Variants in RAP1A observed in about 807,000 individuals in gnomAD.
RAP1A encodes the protein ras-related protein Rap-1A.
A neutral mutation model predicts 26.4 loss-of-function variants in RAP1A; 6 were observed. That is an observed-to-expected ratio of 0.23 (90% CI 0.12 to 0.45). The LOEUF is 0.45. Ranked by LOEUF, RAP1A falls within the 20% of genes least tolerant of loss-of-function variation. The pLI is 0.99. For synonymous variants in RAP1A, 73 were observed against 79.4 expected (o/e 0.92, Z 0.43); for missense variants, 121 against 217.2 (o/e 0.56, Z 2.78).
intron 1 of RAP1A, among the ~76,000 whole-genome samples, chr1:111,650,713 A>C (rs1490136664): frequency 6.6e-6 from 1 of 152,226 alleles, no homozygotes; most frequent in African/African-American, 2.4e-5. Context: ...TGCAGAGTCC[A>C]TAGTTTACCT....
At chr1:111,672,643 AAAAATTC>A (rs1317981876) in intron 1 of RAP1A, among the ~76,000 whole-genome samples, 1 of 152,200 alleles carries the variant, frequency 6.6e-6, no homozygotes, top group Non-Finnish European at 1.5e-5. Context: ...CCCAAAGAGA[AAAAATTC>A]AGGAGGAAGC....
rs1317537991 is a variant in RAP1A, at chr1:111,715,940, G to C, written c.*3539G>C. ...TGTCTTAGGCACTGAGGGACAGAAA[G>C]AGAAATAAGGAATACCTTGGTATTT... On this transcript the variant is annotated 3_prime_UTR_variant, in exon 8 of 8. Transcript: ENST00000369709. 6 of 152,200 alleles carry C rather than the reference G, an allele frequency of 3.9e-5. No individual in the cohort carries two copies. Among genetic ancestry groups the C allele is most frequent in the African/African-American group, 1.4e-4 (6 of 41,446 alleles). The allele number at this position is 152,200 out of a possible 1,614,324, so 9.4% of individuals were successfully genotyped here.
At chr1:111,644,839 T>G (rs1208002061) in intron 1 of RAP1A, among the ~76,000 whole-genome samples, 1 of 152,194 alleles carries the variant, frequency 6.6e-6, no homozygotes, top group Non-Finnish European at 1.5e-5. Flanking sequence ...GGCCACATAT[T>G]GGGCCCTCTT....
At chr1:111,626,118 G>A (rs1192383580) in intron 1 of RAP1A, among the ~76,000 whole-genome samples, 6 of 152,078 alleles carry the variant, frequency 3.9e-5, no homozygotes, top group Non-Finnish European at 8.8e-5. Flanking sequence ...AATCAGTGTT[G>A]TATTTTCATG....
At chr1:111,689,787 A>G (rs1486746099) in intron 1 of RAP1A, among the ~76,000 whole-genome samples, 3 of 152,016 alleles carry the variant, frequency 2.0e-5, no homozygotes, top group Non-Finnish European at 4.4e-5. Context: ...CTCCTGCCTC[A>G]GCCTCCCAAG....
intron 1 of RAP1A, among the ~76,000 whole-genome samples, chr1:111,630,670 C>T (rs1659542409): frequency 6.6e-6 from 1 of 152,106 alleles, no homozygotes; most frequent in South Asian, 2.1e-4. Context: ...AAATGCCAGA[C>T]ATATAACAGT....
intron 1 of RAP1A, among the ~76,000 whole-genome samples, chr1:111,648,026 G>T (rs1403136487): frequency 6.6e-6 from 1 of 151,810 alleles, no homozygotes; most frequent in South Asian, 2.1e-4. Context: ...TTCAAATCTA[G>T]GTCACAACCT....
In RAP1A at chr1:111,709,249, A is replaced by G; in HGVS notation, c.*14A>G. The G allele has an allele frequency of 1.9e-6, 3 of 1,591,884 alleles. No homozygotes were observed. Among genetic ancestry groups the G allele is most frequent in the Non-Finnish European group, 1.7e-6 (2 of 1,173,992 alleles). Reference sequence around the variant, plus strand: ...CTGCTGCTCTAGGCCCATAGTCAGCAGCAGCTCTGAGCCAGGTAAGATGCT... The same window carrying G: ...CTGCTGCTCTAGGCCCATAGTCAGCGGCAGCTCTGAGCCAGGTAAGATGCT... On this transcript the variant is annotated 3_prime_UTR_variant, in exon 7 of 8. Coordinates refer to ENST00000369709, the MANE Select transcript of RAP1A (RefSeq NM_002884.4).
At chr1:111,635,561 CTTTGTGTTTTG>C (rs890585795) in intron 1 of RAP1A, among the ~76,000 whole-genome samples, 5 of 151,972 alleles carry the variant, frequency 3.3e-5, no homozygotes, top group Admixed American at 6.5e-5. Context: ...TCTTTGTTTT[CTTTGTGTTTTG>C]TTTTGTTTCT....
chr1:111,559,196 A>G (rs1031739535), intron 1 of RAP1A, among the ~76,000 whole-genome samples: 1 of 152,222 alleles, frequency 6.6e-6, no homozygotes, highest in African/African-American at 2.4e-5. Flanking sequence ...TTTAGAGGGA[A>G]ATGCACAGTC....
chr1:111,626,651 C>G (rs1659411794), intron 1 of RAP1A, among the ~76,000 whole-genome samples: 1 of 152,182 alleles, frequency 6.6e-6, no homozygotes, highest in Non-Finnish European at 1.5e-5. Context: ...ATCCTCTTCT[C>G]TCCCGACCTA....
intron 1 of RAP1A, chr1:111,649,045 C>T (rs1321067303): frequency 1.6e-5 from 10 of 620,342 alleles, no homozygotes; most frequent in Non-Finnish European, 3.1e-5. Flanking sequence ...ATGTCACTCT[C>T]CACAGACTGG....
At chr1:111,599,405 C>T (rs1339726179) in intron 1 of RAP1A, among the ~76,000 whole-genome samples, 6 of 152,112 alleles carry the variant, frequency 3.9e-5, no homozygotes, top group Admixed American at 3.9e-4. Flanking sequence ...TGGAGTTTCA[C>T]CGTGTTAGCC....
intron 1 of RAP1A, among the ~76,000 whole-genome samples, chr1:111,677,008 G>A (rs879556294): frequency 6.6e-6 from 1 of 152,104 alleles, no homozygotes; most frequent in African/African-American, 2.4e-5. Context: ...TGGCCAGGCC[G>A]GTCTCGAACT....
chr1:111,652,575 A>G (rs543686352), intron 1 of RAP1A, among the ~76,000 whole-genome samples: 2 of 152,174 alleles, frequency 1.3e-5, no homozygotes, highest in Admixed American at 6.5e-5. Context: ...CTTCATAGAT[A>G]AAGTTTGCTG....
At chr1:111,697,358 T>C in intron 3 of RAP1A, 83 bp from the exon 4 acceptor site, 2 of 1,600,298 alleles carry the variant, frequency 1.2e-6, no homozygotes, top group Non-Finnish European at 1.7e-6. Context: ...TGTTAATAGT[T>C]ACTTTGATGG....
chr1:111,693,166 G>GAGAT (rs1302173321), intron 2 of RAP1A, among the ~76,000 whole-genome samples: 2 of 152,144 alleles, frequency 1.3e-5, no homozygotes, highest in Non-Finnish European at 1.5e-5. Flanking sequence ...AAAGAGGAAA[G>GAGAT]AGATGATCAG....
intron 1 of RAP1A, among the ~76,000 whole-genome samples, chr1:111,661,256 G>A (rs1427195607): frequency 6.6e-6 from 1 of 152,120 alleles, no homozygotes; most frequent in Non-Finnish European, 1.5e-5. Context: ...ATTCGGAGGA[G>A]GTCACTAAGT....
chr1:111,703,435 G>T lies in RAP1A; in HGVS notation c.283G>T (p.Asp95Tyr). 1 of 1,606,686 alleles carries T rather than the reference G, an allele frequency of 6.2e-7. No homozygotes were observed. The highest frequency in any genetic ancestry group is 8.5e-7 in the Non-Finnish European group (1 of 1,176,148). The change falls in exon 5 of 8, where the codon GAC becomes TAC. Residue 95 changes from aspartate (D) to tyrosine (Y), a missense_variant. Coordinates refer to ENST00000369709, the MANE Select transcript of RAP1A (RefSeq NM_002884.4). Reference sequence around the variant, plus strand: ...TCAGTCCACGTTTAACGACTTACAGGACCTGAGGGAACAGATTTTACGGGT... The same window carrying T: ...TCAGTCCACGTTTAACGACTTACAGTACCTGAGGGAACAGATTTTACGGGT... ...TAQSTFNDLQDLREQILRVKD... is the reference protein window; with the variant it reads ...TAQSTFNDLQYLREQILRVKD...
Sources: gnomAD v4.1 joint callset for allele counts (sites outside exome capture counted in the v4.1 genomes callset) on GRCh38, gnomAD v4.1.1 for gene constraint, MANE v1.5 for transcripts, NCBI Gene and HGNC (gene_info 2026-07-23, HGNC 2026-07-21) for gene names.